SPON1: variants seen among roughly 807,000 people sequenced by gnomAD.
SPON1 encodes spondin 1, also known as spondin-1.
A neutral mutation model predicts 111.7 loss-of-function variants in SPON1; 52 were observed. That is an observed-to-expected ratio of 0.47 (90% CI 0.37 to 0.59). The LOEUF is 0.59. Ranked by LOEUF, SPON1 falls within the 20% of genes least tolerant of loss-of-function variation. SPON1 has a pLI of 0.00. For synonymous variants in SPON1, 410 were observed against 395.8 expected (o/e 1.04, Z -0.43); for missense variants, 957 against 1,068.5 (o/e 0.90, Z 1.46).
intron 6 of SPON1, among the ~76,000 whole-genome samples, chr11:14,195,702 G>A (rs1045487712): frequency 1.3e-5 from 2 of 152,178 alleles, no homozygotes; most frequent in Non-Finnish European, 2.9e-5. Flanking sequence ...GCCAATTTGA[G>A]GATGGACAGT....
intron 6 of SPON1, among the ~76,000 whole-genome samples, chr11:14,170,121 C>T (rs1277997949): frequency 6.6e-6 from 1 of 152,088 alleles, no homozygotes; most frequent in Admixed American, 6.6e-5. Context: ...TTCTTCCTAC[C>T]CATGAGCATG....
chr11:13,990,905 T>C (rs1486451299), intron 2 of SPON1, among the ~76,000 whole-genome samples: 2 of 152,222 alleles, frequency 1.3e-5, no homozygotes, highest in South Asian at 2.1e-4. Flanking sequence ...TGGCCCCCAC[T>C]CTCTTCTGGC....
chr11:14,075,529 G>A (rs1271502687), intron 4 of SPON1, 111 bp downstream of exon 4: 1 of 753,072 alleles, frequency 1.3e-6, no homozygotes, highest in Non-Finnish European at 2.2e-6. Context: ...GAGTTCCTCT[G>A]GGTTCTGCTT....
intron 2 of SPON1, among the ~76,000 whole-genome samples, chr11:14,026,005 T>C (rs1278756845): frequency 3.3e-5 from 5 of 152,200 alleles, no homozygotes; most frequent in African/African-American, 1.2e-4. Flanking sequence ...CTCCAGCTCC[T>C]AATAATTATC....
At chr11:14,011,534 C>G (rs1230379735) in intron 2 of SPON1, among the ~76,000 whole-genome samples, 1 of 152,054 alleles carries the variant, frequency 6.6e-6, no homozygotes, top group Admixed American at 6.6e-5. Context: ...CTGCAGCCTC[C>G]CAATAGGTCT....
chr11:13,984,725 T>C (rs1245513823), intron 2 of SPON1, among the ~76,000 whole-genome samples: 2 of 152,218 alleles, frequency 1.3e-5, no homozygotes, highest in African/African-American at 2.4e-5. Context: ...ATTCAGTAAG[T>C]TGATAGTCTT....
At chr11:14,043,209 G>C (rs1014671229) in intron 3 of SPON1, among the ~76,000 whole-genome samples, 30 of 152,184 alleles carry the variant, frequency 2.0e-4, no homozygotes, top group Admixed American at 1.3e-4. Flanking sequence ...GCATTTGGCA[G>C]AGTCTCAAAG....
intron 1 of SPON1, among the ~76,000 whole-genome samples, chr11:13,980,895 G>A (rs1297690672): frequency 1.3e-5 from 2 of 152,112 alleles, no homozygotes; most frequent in Non-Finnish European, 2.9e-5. Context: ...ATGATCTTAG[G>A]TGTGTCTGTT....
At position 14,015,252 on chromosome 11, in the gene SPON1, C is replaced by G. The variant is rs1848436411; in HGVS notation, c.346-26269C>G. Among the ~76,000 whole-genome samples the G allele has an allele frequency of 3.3e-5, 5 of 152,162 alleles. No homozygotes were observed. The South Asian group carries it at 1.0e-3, about 32-fold the overall frequency. ...CTCACAGTCTGGAAGCTGAGAAGTA[C>G]AAGATCTAGGTGCCAGCAAGTTTAG... On this transcript the variant is annotated intron_variant, in intron 2 of 15. Coordinates refer to ENST00000576479, the MANE Select transcript of SPON1 (RefSeq NM_006108.4).
At chr11:14,171,269 A>G (rs1275992290) in intron 6 of SPON1, among the ~76,000 whole-genome samples, 2 of 152,142 alleles carry the variant, frequency 1.3e-5, no homozygotes, top group African/African-American at 2.4e-5. Flanking sequence ...TAGATTTTCT[A>G]GTTTATTTGC....
intron 7 of SPON1, among the ~76,000 whole-genome samples, chr11:14,247,431 G>A (rs1849004466): frequency 6.6e-6 from 1 of 152,142 alleles, no homozygotes; most frequent in African/African-American, 2.4e-5. Flanking sequence ...AGGGTTTTAA[G>A]CAAAAGGGTG....
At chr11:14,093,498 T>A (rs916015553) in intron 5 of SPON1, among the ~76,000 whole-genome samples, 1 of 152,242 alleles carries the variant, frequency 6.6e-6, no homozygotes, top group Non-Finnish European at 1.5e-5. Context: ...TAATGCTGTT[T>A]AACAGATATG....
At position 14,206,220 on chromosome 11, in the gene SPON1, G is replaced by C. The variant is rs918308017; in HGVS notation, c.826-37112G>C. On this transcript the variant is annotated intron_variant, in intron 6 of 15. Transcript: ENST00000576479. ...GTTACTTTTTCTTTTTTGAGACTGAGTCTTGCTCTGTCACCCAGGCTGGAA... is the reference window on the plus strand; with the variant it reads ...GTTACTTTTTCTTTTTTGAGACTGACTCTTGCTCTGTCACCCAGGCTGGAA... 2.0e-5 allele frequency among the ~76,000 whole-genome samples: 3 copies of C among 152,070 alleles called. No homozygotes were observed. In the East Asian group the frequency reaches 5.8e-4, roughly 29 times the overall value.
At chr11:14,026,359 A>G (rs1848517959) in intron 2 of SPON1, among the ~76,000 whole-genome samples, 1 of 152,228 alleles carries the variant, frequency 6.6e-6, no homozygotes, top group Admixed American at 6.5e-5. Context: ...ATATAATTAG[A>G]TCAAAGTTTG....
At chr11:14,075,300 T>TTCCTGCCC in intron 3 of SPON1, 45 bp from the exon 4 acceptor site, 1 of 1,489,118 alleles carries the variant, frequency 6.7e-7, no homozygotes, top group South Asian at 1.2e-5. Context: ...CAAACCTGCC[T>TTCCTGCCC]TCCTGCCCTC....
chr11:14,238,633 C>T (rs1848891508), intron 6 of SPON1, among the ~76,000 whole-genome samples: 1 of 152,140 alleles, frequency 6.6e-6, no homozygotes, highest in Admixed American at 6.5e-5. Flanking sequence ...AGATCTGTCC[C>T]AGATCTGTTT....
chr11:14,201,363 C>A (rs201538065), intron 6 of SPON1, among the ~76,000 whole-genome samples: 4 of 150,154 alleles, frequency 2.7e-5, no homozygotes, highest in African/African-American at 4.9e-5. Flanking sequence ...AACAAAAAAA[C>A]AAAAAAAACT....
intron 5 of SPON1, among the ~76,000 whole-genome samples, chr11:14,095,098 A>G (rs1849088288): frequency 6.6e-6 from 1 of 152,194 alleles, no homozygotes; most frequent in Non-Finnish European, 1.5e-5. Context: ...CTCTCTTTTT[A>G]CAAATGACTT....
At chr11:13,984,112 C>T (rs1355641626) in intron 2 of SPON1, among the ~76,000 whole-genome samples, 1 of 152,130 alleles carries the variant, frequency 6.6e-6, no homozygotes, top group Non-Finnish European at 1.5e-5. Context: ...CTAGCAACAG[C>T]CAATATTTGT....
Sources: allele counts gnomAD v4.1 joint callset (sites outside exome capture counted in the v4.1 genomes callset), GRCh38; gene constraint gnomAD v4.1.1; transcripts MANE v1.5; gene names NCBI Gene and HGNC (gene_info 2026-07-23, HGNC 2026-07-21).